The following COL6A6 variants were observed in gnomAD, a reference collection of about 807,000 sequenced individuals.
COL6A6 encodes collagen alpha-6(VI) chain.
In COL6A6, 183 loss-of-function variants were observed where a neutral mutation model predicts 208.6. That is an observed-to-expected ratio of 0.88 (90% CI 0.78 to 0.99). The LOEUF (loss-of-function observed/expected upper bound fraction) is 0.99. Ranked by LOEUF, COL6A6 falls within the 50% of genes least tolerant of loss-of-function variation. The pLI is 0.00. For missense variants in COL6A6, 2,816 were observed against 2,815.2 expected (o/e 1.00, Z -0.01); for synonymous variants, 973 against 1,011.8 (o/e 0.96, Z 0.73).
Position 130,574,346 on chromosome 3 carries a change from AAGCCCTG to A in COL6A6, c.3371_3377del (p.Ala1124AspfsTer31). The A allele has an allele frequency of 6.2e-7, 1 of 1,614,022 alleles. No individual in the cohort carries two copies. The highest frequency in any genetic ancestry group is 8.5e-7 in the Non-Finnish European group (1 of 1,179,900). On this transcript the variant is annotated frameshift_variant, in exon 8 of 37. Transcript: ENST00000358511. LOFTEE classifies it high-confidence loss of function. ...CAAGACGAGGTGGCCCAGGCCGCGG[AAGCCCTG>A]AGACACAGAGGTATCGACATCTACT...
chr3:130,643,083 G>A (rs2065365523), intron 31 of COL6A6, 60 bp downstream of exon 31: 2 of 1,554,598 alleles, frequency 1.3e-6, no homozygotes, highest in Non-Finnish European at 1.8e-6. Context: ...GAAAAGCAGA[G>A]AAACCTACAC....
intron 1 of COL6A6, among the ~76,000 whole-genome samples, chr3:130,527,209 C>G (rs916834680): frequency 6.6e-6 from 1 of 152,164 alleles, no homozygotes; most frequent in African/African-American, 2.4e-5. Flanking sequence ...ATTCTAATCA[C>G]CTTTGAGGCT....
At chr3:130,554,842 T>C (rs1316749561) in intron 1 of COL6A6, among the ~76,000 whole-genome samples, 5 of 152,022 alleles carry the variant, frequency 3.3e-5, no homozygotes, top group Non-Finnish European at 7.4e-5. Flanking sequence ...TGAGCTAGTG[T>C]ATATTGGCAG....
intron 23 of COL6A6, among the ~76,000 whole-genome samples, chr3:130,613,734 TA>T (rs779158926): frequency 1.4e-4 from 22 of 152,186 alleles, no homozygotes; most frequent in Non-Finnish European, 2.5e-4. Flanking sequence ...CCTTCCTGGT[TA>T]GCTGTATTCC....
intron 1 of COL6A6, among the ~76,000 whole-genome samples, chr3:130,524,032 C>A (rs1481846908): frequency 6.6e-6 from 1 of 152,160 alleles, no homozygotes; most frequent in African/African-American, 2.4e-5. Flanking sequence ...GTACTGTCAT[C>A]AACCTGAAAT....
At chr3:130,553,646 T>C (rs1008879261) in intron 1 of COL6A6, among the ~76,000 whole-genome samples, 9 of 152,104 alleles carry the variant, frequency 5.9e-5, no homozygotes, top group African/African-American at 2.2e-4. Context: ...GTTTTTTTTT[T>C]CTGCCATTTC....
chr3:130,566,603 C>A, intron 4 of COL6A6, 99 bp from the exon 5 acceptor site: 1 of 972,326 alleles, frequency 1.0e-6, no homozygotes, highest in Non-Finnish European at 1.5e-6. Context: ...TCCCATTTTT[C>A]TGTCTGAAGA....
At chr3:130,660,695 G>A (rs2065910612) in intron 34 of COL6A6, among the ~76,000 whole-genome samples, 1 of 152,186 alleles carries the variant, frequency 6.6e-6, no homozygotes, top group South Asian at 2.1e-4. Flanking sequence ...TTGGCTAGGG[G>A]CACACAGCTT....
At chr3:130,627,952 A>G (rs1347856374) in intron 26 of COL6A6, among the ~76,000 whole-genome samples, 2 of 152,220 alleles carry the variant, frequency 1.3e-5, no homozygotes, top group East Asian at 3.8e-4. Context: ...AATACAAAAA[A>G]CATAATATAG....
At chr3:130,668,520 T>C (rs535200399) in intron 36 of COL6A6, among the ~76,000 whole-genome samples, 1 of 151,552 alleles carries the variant, frequency 6.6e-6, no homozygotes, top group East Asian at 1.9e-4. Context: ...AAGACACACA[T>C]CCACAATATA....
At chr3:130,618,353 A>T (rs59630925) in intron 23 of COL6A6, among the ~76,000 whole-genome samples, 54,525 of 152,096 alleles carry the variant, frequency 0.36, 13,461 homozygotes, top group African/African-American at 0.68. Context: ...TTGTAAAAAT[A>T]GAAGACTATT....
chr3:130,588,708 T>C (rs947854827), intron 11 of COL6A6, among the ~76,000 whole-genome samples: 1 of 152,048 alleles, frequency 6.6e-6, no homozygotes, highest in Non-Finnish European at 1.5e-5. Context: ...TTGAACAAAA[T>C]ATTTGGGGCA....
Position 130,576,446 on chromosome 3 carries a change from C to T in COL6A6, c.3547+1921C>T, listed in dbSNP as rs866927122. Among the ~76,000 whole-genome samples, 22 of 152,296 alleles carry T rather than the reference C, an allele frequency of 1.4e-4. 1 individual carries two copies. In the Middle Eastern group the frequency reaches 0.02, roughly 141 times the overall value. On this transcript the variant is annotated intron_variant, in intron 8 of 36. Coordinates refer to ENST00000358511, the MANE Select transcript of COL6A6 (RefSeq NM_001102608.3). ...GGGACTACTGACTCTCTAAGTTCTG[C>T]TTCACATACTTTGGAATGTATCTGA...
Position 130,675,425 on chromosome 3 carries a change from G to A in COL6A6, c.*28G>A, listed in dbSNP as rs914686377. The A allele has an allele frequency of 6.6e-7, 1 of 1,505,280 alleles. No homozygotes were observed. The highest frequency in any genetic ancestry group is 1.4e-5 in the African/African-American group (1 of 71,504). 93.2% of individuals were successfully genotyped at this position (1,505,280 alleles called of 1,614,324 possible). On this transcript the variant is annotated 3_prime_UTR_variant, in exon 37 of 37. Transcript: ENST00000358511. ...AAATGCTTGAACAACTTAGCCTTAG[G>A]AAGCATGGTAAGACTCTGGACTTAA... is the stretch of plus-strand genomic sequence containing the variant.
At chr3:130,521,636 T>C (rs1711076577) in intron 1 of COL6A6, among the ~76,000 whole-genome samples, 1 of 152,208 alleles carries the variant, frequency 6.6e-6, no homozygotes, top group Non-Finnish European at 1.5e-5. Context: ...TTCCTTCTTT[T>C]AGTGCATGCT....
At chr3:130,621,704 C>A in intron 23 of COL6A6, 117 bp from the exon 24 acceptor site, 1 of 719,916 alleles carries the variant, frequency 1.4e-6, no homozygotes, top group Non-Finnish European at 2.3e-6. Context: ...GAGCAAGGAT[C>A]GATACAGCCA....
At chr3:130,621,252 G>C (rs1343020575) in intron 23 of COL6A6, among the ~76,000 whole-genome samples, 1 of 151,778 alleles carries the variant, frequency 6.6e-6, no homozygotes, top group Non-Finnish European at 1.5e-5. Context: ...TCTTCTTTTG[G>C]TAAGTGGGAA....
intron 32 of COL6A6, among the ~76,000 whole-genome samples, chr3:130,647,078 C>G (rs1272187949): frequency 6.6e-6 from 1 of 152,096 alleles, no homozygotes; most frequent in Admixed American, 6.5e-5. Flanking sequence ...TCCTCTGTGG[C>G]AAGTAGCAGT....
At chr3:130,518,424 A>G (rs1710867014) in intron 1 of COL6A6, among the ~76,000 whole-genome samples, 1 of 152,264 alleles carries the variant, frequency 6.6e-6, no homozygotes, top group Admixed American at 6.5e-5. Flanking sequence ...AGTCACTTAC[A>G]TAAAAATCCT....
Sources: allele counts gnomAD v4.1 joint callset (sites outside exome capture counted in the v4.1 genomes callset), GRCh38; gene constraint gnomAD v4.1.1; transcripts MANE v1.5; gene names NCBI Gene and HGNC (gene_info 2026-07-23, HGNC 2026-07-21).